The following EPHA3 variants were observed in gnomAD, a reference collection of about 807,000 sequenced individuals.
EPHA3 encodes the protein ephrin type-A receptor 3.
A neutral mutation model predicts 107.1 loss-of-function variants in EPHA3; 42 were observed. The ratio of observed to expected loss-of-function variants is 0.39; its 90% confidence interval spans 0.31 to 0.51. EPHA3 has a LOEUF of 0.51. Among genes scored for constraint, EPHA3 ranks in the 20% least tolerant of loss-of-function variants. The probability of loss-of-function intolerance (pLI) is 0.78; values close to 1 mark genes in which losing one functional copy is unlikely to be tolerated. For missense variants in EPHA3, 1,183 were observed against 1,211.2 expected (o/e 0.98, Z 0.35); for synonymous variants, 461 against 424.8 (o/e 1.09, Z -1.05).
intron 2 of EPHA3, among the ~76,000 whole-genome samples, chr3:89,206,311 CAA>C (rs1434547945): frequency 5.3e-5 from 8 of 152,124 alleles, no homozygotes; most frequent in Non-Finnish European, 1.0e-4. Flanking sequence ...TATTTTACAT[CAA>C]GTTATGAAAA....
chr3:89,438,005 A>G (rs539324826), intron 13 of EPHA3, among the ~76,000 whole-genome samples: 39 of 152,256 alleles, frequency 2.6e-4, no homozygotes, highest in Non-Finnish European at 5.0e-4. Context: ...TATTTTACAT[A>G]ATAATTTATT....
At chr3:89,381,129 C>G (rs1469419023) in intron 5 of EPHA3, among the ~76,000 whole-genome samples, 1 of 151,812 alleles carries the variant, frequency 6.6e-6, no homozygotes, top group Admixed American at 6.5e-5. Context: ...CCCGCCACCA[C>G]GCCTGGCTAA....
chr3:89,230,244 A>G (rs9848971), intron 3 of EPHA3, among the ~76,000 whole-genome samples: 34,030 of 151,930 alleles, frequency 0.22, 4,086 homozygotes, highest in Non-Finnish European at 0.27. Context: ...GGTAATACTT[A>G]AGGTAAAATT....
At chr3:89,379,313 C>T (rs114858718) in intron 5 of EPHA3, among the ~76,000 whole-genome samples, 2,433 of 152,248 alleles carry the variant, frequency 0.016, 68 homozygotes, top group African/African-American at 0.055. Context: ...AATAGAAATT[C>T]TGCAGGCATG....
rs137905870 is a variant in EPHA3 at position 89,309,564 on chromosome 3, C to T, written c.815-31352C>T. ...TGCCATGTACCCACACAGGCACACA[C>T]GCTCACATCTAACAGTACTTTTACT... On this transcript the variant is annotated intron_variant, in intron 3 of 16. Coordinates refer to ENST00000336596, the MANE Select transcript of EPHA3 (RefSeq NM_005233.6). 6.8e-3 allele frequency among the ~76,000 whole-genome samples: 1,032 copies of T among 152,250 alleles called. 4 individuals carry two copies. The highest frequency in any genetic ancestry group is 0.011 in the Non-Finnish European group (730 of 68,004).
intron 15 of EPHA3, among the ~76,000 whole-genome samples, chr3:89,460,823 CTT>C (rs753656853): frequency 2.1e-4 from 22 of 102,990 alleles, no homozygotes; most frequent in African/African-American, 5.5e-4. Context: ...CTCTGTCTCT[CTT>C]TTTTTTTTTT....
At chr3:89,167,629 A>C (rs559187028) in intron 2 of EPHA3, among the ~76,000 whole-genome samples, 1 of 152,270 alleles carries the variant, frequency 6.6e-6, no homozygotes, top group African/African-American at 2.4e-5. Flanking sequence ...TCTTAAATGA[A>C]AGTCAAAGTT....
intron 3 of EPHA3, among the ~76,000 whole-genome samples, chr3:89,284,416 A>G (rs1301380239): frequency 6.6e-6 from 1 of 150,736 alleles, no homozygotes; most frequent in Non-Finnish European, 1.5e-5. Flanking sequence ...CAGTTCAAAC[A>G]GTGAAATTTT....
intron 10 of EPHA3, among the ~76,000 whole-genome samples, chr3:89,416,017 C>T (rs777667314): frequency 2.6e-5 from 4 of 151,282 alleles, no homozygotes; most frequent in Non-Finnish European, 5.9e-5. Flanking sequence ...GGGGACTTAG[C>T]TGACACAGAA....
chr3:89,436,811 G>C (rs549404512), intron 13 of EPHA3, among the ~76,000 whole-genome samples: 2 of 151,962 alleles, frequency 1.3e-5, no homozygotes, highest in Admixed American at 6.6e-5. Context: ...TTATGTTCTC[G>C]ACAGCATGCC....
intron 3 of EPHA3, among the ~76,000 whole-genome samples, chr3:89,328,385 T>C (rs963520033): frequency 1.3e-4 from 20 of 152,204 alleles, no homozygotes; most frequent in African/African-American, 4.6e-4. Context: ...AAAGTTTCTT[T>C]GCATCAGAGC....
intron 3 of EPHA3, among the ~76,000 whole-genome samples, chr3:89,245,755 G>A (rs369359956): frequency 1.4e-4 from 21 of 152,216 alleles, no homozygotes; most frequent in African/African-American, 5.1e-4. Flanking sequence ...CATCCAGCTG[G>A]CATCTACTGT....
chr3:89,351,698 C>T (rs2107443033), intron 5 of EPHA3, among the ~76,000 whole-genome samples: 1 of 151,346 alleles, frequency 6.6e-6, no homozygotes, highest in East Asian at 1.9e-4. Context: ...TTTACATAGT[C>T]TCAATATATT....
intron 3 of EPHA3, among the ~76,000 whole-genome samples, chr3:89,279,771 C>T (rs1396319723): frequency 1.3e-5 from 2 of 152,022 alleles, no homozygotes; most frequent in South Asian, 2.1e-4. Flanking sequence ...TTACAGTCCT[C>T]CTTGCTAAGT....
intron 14 of EPHA3, 62 bp downstream of exon 14, chr3:89,449,436 T>G: frequency 7.2e-7 from 1 of 1,395,950 alleles, no homozygotes; most frequent in Non-Finnish European, 9.5e-7. Flanking sequence ...TGCAAGGAAG[T>G]GGAACATAAT....
Position 89,333,983 on chromosome 3 carries a change from A to G in EPHA3, c.815-6933A>G, listed in dbSNP as rs370143449. Among the ~76,000 whole-genome samples, 9 of 152,328 alleles carry G rather than the reference A, an allele frequency of 5.9e-5. No homozygotes were observed. In the East Asian group the frequency reaches 1.4e-3, roughly 23 times the overall value. ...TGTGCTTATTTTTCTTGTCATTAAAAGAGAAAATATCTTATATTTTTAAAA... is the reference window on the plus strand; with the variant it reads ...TGTGCTTATTTTTCTTGTCATTAAAGGAGAAAATATCTTATATTTTTAAAA... On this transcript the variant is annotated intron_variant, in intron 3 of 16. Coordinates refer to ENST00000336596, the MANE Select transcript of EPHA3 (RefSeq NM_005233.6).
intron 3 of EPHA3, among the ~76,000 whole-genome samples, chr3:89,227,515 T>C (rs2107218364): frequency 6.6e-6 from 1 of 152,130 alleles, no homozygotes; most frequent in South Asian, 2.1e-4. Context: ...AATATTTAAG[T>C]CGGTGTTTAA....
In EPHA3 at chr3:89,450,218, C is replaced by A. The variant is rs1709958707; in HGVS notation, c.2538C>A (p.Pro846=). 7.4e-6 allele frequency: 12 copies of A among 1,612,840 alleles called. No individual in the cohort carries two copies. Among genetic ancestry groups the A allele is most frequent in the Non-Finnish European group, 9.3e-6 (11 of 1,179,460 alleles). ...AVDEGYRLPP[P]MDCPAALYQL... is the part of the protein sequence containing the mutation. ...ATGAGGGCTATCGACTGCCACCCCC[C>A]ATGGACTGCCCAGCTGCCTTGTATC... The change falls in exon 15 of 17, where the codon CCC becomes CCA. Residue 846 remains proline, a synonymous_variant. Coordinates refer to ENST00000336596, the MANE Select transcript of EPHA3 (RefSeq NM_005233.6).
chr3:89,279,605 T>G (rs1705892254), intron 3 of EPHA3, among the ~76,000 whole-genome samples: 1 of 152,170 alleles, frequency 6.6e-6, no homozygotes, highest in African/African-American at 2.4e-5. Flanking sequence ...AAACTTTGGC[T>G]AATTGATTTT....
Sources: gnomAD v4.1 joint callset for allele counts (sites outside exome capture counted in the v4.1 genomes callset) on GRCh38, gnomAD v4.1.1 for gene constraint, MANE v1.5 for transcripts, NCBI Gene and HGNC (gene_info 2026-07-23, HGNC 2026-07-21) for gene names.